Variants in FAM227A observed in about 807,000 individuals in gnomAD.
FAM227A encodes the protein protein FAM227A.
Under a neutral mutation model 74.7 loss-of-function variants are expected in FAM227A, and 80 were observed. The observed-to-expected ratio is 1.07, with a 90% confidence interval of 0.89 to 1.29. FAM227A has a LOEUF of 1.29. Among genes scored for constraint, FAM227A ranks in the 50% most tolerant of loss-of-function variants. The pLI, the probability that FAM227A is intolerant of heterozygous loss-of-function variation, is 0.00. For synonymous variants in FAM227A, 237 were observed against 241.8 expected, an observed-to-expected ratio of 0.98 and a Z score of 0.19; for missense variants, 654 against 683.4, an observed-to-expected ratio of 0.96 and a Z score of 0.48.
At chr22:38,618,565 A>T (rs1268925074) in intron 11 of FAM227A, 1 of 152,142 alleles carries the variant, frequency 6.6e-6, no homozygotes, top group Non-Finnish European at 1.5e-5. Context: ...AAAAATACTA[A>T]CATCAAATAA....
chr22:38,630,365 C>T (rs1048584167), intron 6 of FAM227A, among the ~76,000 whole-genome samples: 2 of 152,246 alleles, frequency 1.3e-5, no homozygotes, highest in African/African-American at 4.8e-5. Context: ...TTCAGACTGG[C>T]AGTCTAGTGG....
At chr22:38,643,610 TA>T (rs1214139682) in intron 3 of FAM227A, among the ~76,000 whole-genome samples, 1 of 152,062 alleles carries the variant, frequency 6.6e-6, no homozygotes, top group African/African-American at 2.4e-5. Flanking sequence ...CTTACAAAAC[TA>T]AACTCTCACC....
At chr22:38,626,376 G>C in intron 8 of FAM227A, 73 bp from the exon 9 acceptor site, 2 of 1,477,702 alleles carry the variant, frequency 1.4e-6, no homozygotes, top group South Asian at 2.7e-5. Context: ...GGATGAGGAA[G>C]GACTTTCTTT....
intron 8 of FAM227A, among the ~76,000 whole-genome samples, chr22:38,627,432 G>C (rs1189165382): frequency 6.6e-6 from 1 of 151,880 alleles, no homozygotes; most frequent in Non-Finnish European, 1.5e-5. Context: ...GCCGGGTGTG[G>C]TGGTACGCAC....
intron 6 of FAM227A, among the ~76,000 whole-genome samples, chr22:38,632,622 T>G (rs995359072): frequency 2.6e-5 from 4 of 151,924 alleles, no homozygotes; most frequent in African/African-American, 9.7e-5. Context: ...ACCTGCCCCC[T>G]AGGGTTTGTG....
intron 11 of FAM227A, among the ~76,000 whole-genome samples, chr22:38,615,720 A>G (rs554208442): frequency 5.3e-5 from 8 of 152,196 alleles, no homozygotes; most frequent in Non-Finnish European, 1.0e-4. Context: ...TCCAAATGCA[A>G]TGAAGAAGTT....
Position 38,597,374 on chromosome 22 carries a change from G to C in FAM227A, c.1380-18C>G, listed in dbSNP as rs1457261035. On this transcript the variant is annotated intron_variant, in intron 14 of 16. Coordinates refer to ENST00000535113, the MANE Select transcript of FAM227A (RefSeq NM_001013647.2). ...TGCAGTCAGTGGCTTCCGCTGTCAA[G>C]GAAATCCCCGTACTGTGGAACTGTG... The C allele has an allele frequency of 6.4e-7, 1 of 1,551,340 alleles. No individual in the cohort carries two copies. The highest frequency in any genetic ancestry group is 8.7e-7 in the Non-Finnish European group (1 of 1,146,674).
chr22:38,614,008 G>A (rs1232487153), intron 11 of FAM227A, among the ~76,000 whole-genome samples: 1 of 152,146 alleles, frequency 6.6e-6, no homozygotes, highest in East Asian at 1.9e-4. Flanking sequence ...TGGGACCACA[G>A]GTGCATGGCA....
At chr22:38,630,019 C>T (rs1238386822) in intron 6 of FAM227A, among the ~76,000 whole-genome samples, 1 of 147,590 alleles carries the variant, frequency 6.8e-6, no homozygotes, top group African/African-American at 2.5e-5. Context: ...CTCTCCTTTA[C>T]CATCAGGAAG....
chr22:38,624,364 G>T (rs1296638837), intron 9 of FAM227A, among the ~76,000 whole-genome samples: 1 of 151,872 alleles, frequency 6.6e-6, no homozygotes, highest in Non-Finnish European at 1.5e-5. Context: ...CCTCCAGCAT[G>T]GGCAATAAGA....
At chr22:38,600,230 G>A (rs2091142481) in intron 13 of FAM227A, among the ~76,000 whole-genome samples, 1 of 151,568 alleles carries the variant, frequency 6.6e-6, no homozygotes. Context: ...ACCTAAAAAA[G>A]GTTTCAGGTA....
At chr22:38,649,961 T>G in intron 2 of FAM227A, 66 bp downstream of exon 2, 1 of 1,436,796 alleles carries the variant, frequency 7.0e-7, no homozygotes, top group South Asian at 1.2e-5. Context: ...ACTGATTAGA[T>G]CTCTGTGGCA....
chr22:38,623,359 G>A (rs529245702), intron 9 of FAM227A, 80 bp from the exon 10 acceptor site: 4 of 914,816 alleles, frequency 4.4e-6, no homozygotes, highest in Non-Finnish European at 6.9e-6. Flanking sequence ...AGAAGCCAAG[G>A]TGGGAGGATT....
chr22:38,579,689 ATTAT>A lies in FAM227A; in HGVS notation c.*6432_*6435del, dbSNP rs2090689324. 6.6e-6 allele frequency: 1 copy of A among 152,172 alleles called. No homozygotes were observed. Among genetic ancestry groups the A allele is most frequent in the Non-Finnish European group, 1.5e-5 (1 of 68,032 alleles). The allele number at this position is 152,172 out of a possible 1,614,324, so 9.4% of individuals were successfully genotyped here. A position where few individuals can be genotyped will look rare whatever the true frequency, so the allele number is the denominator to read the frequency against. On this transcript the variant is annotated 3_prime_UTR_variant, in exon 17 of 17. Coordinates refer to ENST00000535113, the MANE Select transcript of FAM227A (RefSeq NM_001013647.2). ...CCTCCATCCACTTTCTCTCTCCCATATTATTTGAGTACAAATTCCATAAATCTTG... is the reference window on the plus strand; with the variant it reads ...CCTCCATCCACTTTCTCTCTCCCATATTGAGTACAAATTCCATAAATCTTG...
At chr22:38,631,967 G>A (rs2091922930) in intron 6 of FAM227A, among the ~76,000 whole-genome samples, 1 of 152,150 alleles carries the variant, frequency 6.6e-6, no homozygotes, top group Non-Finnish European at 1.5e-5. Context: ...GGAAGGGGAG[G>A]AGACACAGGA....
At position 38,611,158 on chromosome 22, in the gene FAM227A, G is replaced by C. The variant is rs189457740; in HGVS notation, c.1039-3682C>G. Reference sequence around the variant, plus strand: ...GGCAAGGTGACTACCATAAGGGTTGGGGGTAAACCAAGACTGTTCTGAGAC... The same window carrying C: ...GGCAAGGTGACTACCATAAGGGTTGCGGGTAAACCAAGACTGTTCTGAGAC... On this transcript the variant is annotated intron_variant, in intron 11 of 16. Coordinates refer to ENST00000535113, the MANE Select transcript of FAM227A (RefSeq NM_001013647.2). Among the ~76,000 whole-genome samples, 163 of 152,322 alleles carry C rather than the reference G, an allele frequency of 1.1e-3. 1 individual carries two copies. Among genetic ancestry groups the C allele is most frequent in the Non-Finnish European group, 1.9e-3 (132 of 68,018 alleles).
At chr22:38,640,719 G>C (rs1370238436) in intron 3 of FAM227A, among the ~76,000 whole-genome samples, 1 of 152,212 alleles carries the variant, frequency 6.6e-6, no homozygotes, top group Non-Finnish European at 1.5e-5. Context: ...ATCAAAGTGA[G>C]GTCAACGTGG....
rs2091133369 is a variant in FAM227A at position 38,599,845 on chromosome 22, T to G, written c.1298A>C (p.Tyr433Ser). The change falls in exon 14 of 17, where the codon TAC (tyrosine) becomes TCC (serine). Residue 433 changes from tyrosine to serine, a missense_variant. By Grantham distance (144) the Tyr-to-Ser change is moderately radical. Coordinates refer to ENST00000535113, the MANE Select transcript of FAM227A (RefSeq NM_001013647.2). ...CAGACTGGCATAGTTCTGGAGAAAG[T>G]ACACAATCAGAGGGCTCTTCCCATA... ...NIYGKSPLIV[Y>S]FLQNYASLQQ... 1 of 1,551,470 alleles carries G rather than the reference T, an allele frequency of 6.4e-7. No individual in the cohort carries two copies. Among genetic ancestry groups the G allele is most frequent in the East Asian group, 2.4e-5 (1 of 40,922 alleles).
rs2145671614 is a variant in FAM227A, at chr22:38,639,738, G to GA, written c.226-15dup. On this transcript the variant is annotated splice_polypyrimidine_tract_variant and intron_variant, in intron 3 of 16. Coordinates refer to ENST00000535113, the MANE Select transcript of FAM227A (RefSeq NM_001013647.2). ...TCTCTCAATTGCCTTCAAAAACCAA[G>GA]AAAAAGGGGGGCATTAGGGATTAAT... is the stretch of plus-strand genomic sequence containing the variant. 1 of 1,508,028 alleles carries GA rather than the reference G, an allele frequency of 6.6e-7. No individual in the cohort carries two copies. The highest frequency in any genetic ancestry group is 9.0e-7 in the Non-Finnish European group (1 of 1,107,190). 93.4% of individuals were successfully genotyped at this position (1,508,028 alleles called of 1,614,324 possible). A position where few individuals can be genotyped will look rare whatever the true frequency, so the allele number is the denominator to read the frequency against.
Sources: gnomAD v4.1 joint callset for allele counts (sites outside exome capture counted in the v4.1 genomes callset) on GRCh38, gnomAD v4.1.1 for gene constraint, MANE v1.5 for transcripts, NCBI Gene and HGNC (gene_info 2026-07-23, HGNC 2026-07-21) for gene names.